The following TMPRSS11F variants were observed in gnomAD, a reference collection of about 807,000 sequenced individuals.
TMPRSS11F encodes transmembrane serine protease 11F, also known as transmembrane protease serine 11F.
TMPRSS11F carries 47 observed loss-of-function variants against 60.2 expected under a neutral mutation model. That is an observed-to-expected ratio of 0.78 (90% CI 0.62 to 1.00). The LOEUF (loss-of-function observed/expected upper bound fraction) is 1.00, where lower values mean the gene tolerates loss of function less well. TMPRSS11F is among the 50% of genes least tolerant of loss of function. TMPRSS11F has a pLI of 0.00. For synonymous variants in TMPRSS11F, 166 were observed against 167.3 expected, an observed-to-expected ratio of 0.99 and a Z score of 0.06; for missense variants, 519 against 522.9, an observed-to-expected ratio of 0.99 and a Z score of 0.07.
intron 1 of TMPRSS11F, among the ~76,000 whole-genome samples, chr4:68,128,721 G>A (rs1461842551): frequency 4.0e-5 from 6 of 151,878 alleles, no homozygotes; most frequent in African/African-American, 7.3e-5. Context: ...TCTACTGTAC[G>A]TTTTGTCTTA....
chr4:68,095,878 A>G lies in TMPRSS11F; in HGVS notation c.163+3009T>C, dbSNP rs1012347772. On this transcript the variant is annotated intron_variant, in intron 2 of 9. Coordinates refer to ENST00000356291, the MANE Select transcript of TMPRSS11F (RefSeq NM_207407.2). ...GCCATTGCACTACAGGCTAGGCAACAGAGCAAGATTCCATCTCAAAAAAAA... is the reference window on the plus strand; with the variant it reads ...GCCATTGCACTACAGGCTAGGCAACGGAGCAAGATTCCATCTCAAAAAAAA... Among the ~76,000 whole-genome samples the G allele has an allele frequency of 5.1e-5, 7 of 137,320 alleles. No individual in the cohort carries two copies. The South Asian group carries it at 1.3e-3, about 25-fold the overall frequency. The allele number at this position is 137,320 out of a possible 152,430, so 90.1% of individuals were successfully genotyped here.
chr4:68,064,812 C>T lies in TMPRSS11F; in HGVS notation c.888G>A (p.Leu296=). 13 of 1,614,144 alleles carry T rather than the reference C, an allele frequency of 8.1e-6. No individual in the cohort carries two copies. The highest frequency in any genetic ancestry group is 1.1e-5 in the Non-Finnish European group (13 of 1,180,014). ...HRETNENDIA[L]VQLSTGVEFS... ...ACTCAACTCCAGTAGAGAGCTGAAC[C>T]AAAGCAATGTCATTTTCATTTGTTT... The change falls in exon 8 of 10, where the codon TTG becomes TTA. Residue 296 remains leucine, a synonymous_variant. Coordinates refer to ENST00000356291, the MANE Select transcript of TMPRSS11F (RefSeq NM_207407.2).
chr4:68,077,624 CT>C (rs1723612277), intron 3 of TMPRSS11F: 1 of 152,236 alleles, frequency 6.6e-6, no homozygotes, highest in Admixed American at 6.5e-5. Context: ...AAGGATTCCT[CT>C]TTGAAGTATG....
intron 1 of TMPRSS11F, among the ~76,000 whole-genome samples, chr4:68,117,834 C>T (rs1314086906): frequency 1.3e-5 from 2 of 152,200 alleles, no homozygotes; most frequent in African/African-American, 4.8e-5. Flanking sequence ...AATCATGATA[C>T]TTCCATCTCT....
At chr4:68,091,797 A>ATCTATCTG (rs1723944404) in intron 2 of TMPRSS11F, among the ~76,000 whole-genome samples, 1 of 128,698 alleles carries the variant, frequency 7.8e-6, no homozygotes, top group Non-Finnish European at 1.6e-5. Flanking sequence ...CTATCTATCT[A>ATCTATCTG]TCTTTTTGAG....
chr4:68,072,858 G>A (rs1297683404), intron 4 of TMPRSS11F, among the ~76,000 whole-genome samples: 1 of 152,120 alleles, frequency 6.6e-6, no homozygotes, highest in Non-Finnish European at 1.5e-5. Context: ...TGTAACTAAT[G>A]TCATTATTCT....
chr4:68,077,999 C>T (rs988736539), intron 3 of TMPRSS11F, among the ~76,000 whole-genome samples: 9 of 152,240 alleles, frequency 5.9e-5, no homozygotes, highest in Admixed American at 1.3e-4. Flanking sequence ...AAGACGGAAG[C>T]GGAGACAGGA....
chr4:68,115,194 CA>C (rs1724491130), intron 1 of TMPRSS11F, among the ~76,000 whole-genome samples: 1 of 150,070 alleles, frequency 6.7e-6, no homozygotes, highest in African/African-American at 2.4e-5. Context: ...CTAAAAAATA[CA>C]AAAAAAGAAA....
chr4:68,069,834 G>T, intron 6 of TMPRSS11F, 135 bp downstream of exon 6: 2 of 569,850 alleles, frequency 3.5e-6, no homozygotes, highest in Non-Finnish European at 6.0e-6. Context: ...ATAATAAAAA[G>T]ACTAAGTGTT....
intron 1 of TMPRSS11F, among the ~76,000 whole-genome samples, chr4:68,127,851 T>A (rs72855026): frequency 6.6e-6 from 1 of 152,014 alleles, no homozygotes; most frequent in South Asian, 2.1e-4. Context: ...CAACAACAAA[T>A]GAACAATACC....
rs1377082598 is a variant in TMPRSS11F, at chr4:68,053,878, T to A, written c.*31A>T. ...AATACGCAGGAGTATCAGCTCTGTG[T>A]GCCATGTGTATAACTCATGGGCAAT... On this transcript the variant is annotated 3_prime_UTR_variant, in exon 10 of 10. Transcript: ENST00000356291. The A allele has an allele frequency of 6.3e-7, 1 of 1,589,122 alleles. No homozygotes were observed. Among genetic ancestry groups the A allele is most frequent in the Non-Finnish European group, 8.6e-7 (1 of 1,162,166 alleles).
At position 68,064,490 on chromosome 4, in the gene TMPRSS11F, A is replaced by C. The variant is rs113140641; in HGVS notation, c.1015+195T>G. Among the ~76,000 whole-genome samples the C allele has an allele frequency of 3.4e-3, 517 of 152,172 alleles. 6 individuals carry two copies. The highest frequency in any genetic ancestry group is 0.012 in the African/African-American group (502 of 41,542). ...GTGTGAGCCACCACACCCGGCCACCACTGCTCCAATTGTAAACTCAAATAC... is the reference window on the plus strand; with the variant it reads ...GTGTGAGCCACCACACCCGGCCACCCCTGCTCCAATTGTAAACTCAAATAC... On this transcript the variant is annotated intron_variant, in intron 8 of 9. Coordinates refer to ENST00000356291, the MANE Select transcript of TMPRSS11F (RefSeq NM_207407.2).
intron 3 of TMPRSS11F, among the ~76,000 whole-genome samples, chr4:68,079,172 A>C (rs1723644733): frequency 1.3e-5 from 2 of 151,498 alleles, no homozygotes; most frequent in African/African-American, 4.8e-5. Context: ...AACTCACACT[A>C]CCTTAGGAGG....
At chr4:68,126,409 A>G (rs1355438840) in intron 1 of TMPRSS11F, among the ~76,000 whole-genome samples, 1 of 152,208 alleles carries the variant, frequency 6.6e-6, no homozygotes, top group Non-Finnish European at 1.5e-5. Context: ...CTCCATCAGC[A>G]CCACAACTTA....
chr4:68,054,984 G>C (rs1375688729), intron 9 of TMPRSS11F, among the ~76,000 whole-genome samples: 7 of 152,190 alleles, frequency 4.6e-5, no homozygotes, highest in Non-Finnish European at 1.0e-4. Context: ...AGTTTCCCCT[G>C]ATGAGTATAA....
At chr4:68,104,802 C>T (rs780739334) in intron 1 of TMPRSS11F, among the ~76,000 whole-genome samples, 36 of 152,094 alleles carry the variant, frequency 2.4e-4, no homozygotes, top group Non-Finnish European at 5.9e-5. Flanking sequence ...TAATGTGATG[C>T]ATCACATTGA....
At chr4:68,054,304 A>C (rs1316842053) in intron 9 of TMPRSS11F, among the ~76,000 whole-genome samples, 1 of 151,996 alleles carries the variant, frequency 6.6e-6, no homozygotes, top group Admixed American at 6.6e-5. Flanking sequence ...CTGTATCAGT[A>C]TCCTTAGGTT....
intron 3 of TMPRSS11F, among the ~76,000 whole-genome samples, chr4:68,085,448 C>G (rs1389959085): frequency 6.6e-6 from 1 of 152,172 alleles, no homozygotes; most frequent in African/African-American, 2.4e-5. Context: ...GAGATGGTAT[C>G]TCATAGTGGT....
rs374474710 is a variant in TMPRSS11F, at chr4:68,098,697, T to C, written c.163+190A>G. ...GATACGTCTATCAATGCCATGCTTA[T>C]TACAAAGTTAACTGGGTGGAAATAT... On this transcript the variant is annotated intron_variant, in intron 2 of 9. Coordinates refer to ENST00000356291, the MANE Select transcript of TMPRSS11F (RefSeq NM_207407.2). Among the ~76,000 whole-genome samples the C allele has an allele frequency of 6.6e-5, 10 of 152,304 alleles. No individual in the cohort carries two copies. In the South Asian group the frequency reaches 1.9e-3, roughly 28 times the overall value.
Sources: gnomAD v4.1 joint callset for allele counts (sites outside exome capture counted in the v4.1 genomes callset) on GRCh38, gnomAD v4.1.1 for gene constraint, MANE v1.5 for transcripts, NCBI Gene and HGNC (gene_info 2026-07-23, HGNC 2026-07-21) for gene names.